Variants in ZNF704 observed in about 807,000 individuals in gnomAD.
ZNF704 encodes the protein glucocorticoid induced gene 1.
ZNF704 carries 10 observed loss-of-function variants against 44.7 expected under a neutral mutation model. That is an observed-to-expected ratio of 0.22 (90% confidence interval 0.14 to 0.38). The LOEUF (loss-of-function observed/expected upper bound fraction) is 0.38, where lower values mean the gene tolerates loss of function less well. Among genes scored for constraint, ZNF704 ranks in the 10% least tolerant of loss-of-function variants. ZNF704 has a pLI of 1.00. For synonymous variants in ZNF704, 211 were observed against 207.6 expected (o/e 1.02, Z -0.14); for missense variants, 390 against 545.5 (o/e 0.71, Z 2.84).
At chr8:80,642,088 T>C (rs530015059) in intron 8 of ZNF704, among the ~76,000 whole-genome samples, 12 of 152,302 alleles carry the variant, frequency 7.9e-5, no homozygotes, top group African/African-American at 2.9e-4. Flanking sequence ...CAATTTCTAG[T>C]ACAGCAGTCC....
At chr8:80,851,958 T>C (rs1434454167) in intron 1 of ZNF704, among the ~76,000 whole-genome samples, 4 of 152,140 alleles carry the variant, frequency 2.6e-5, no homozygotes, top group Non-Finnish European at 5.9e-5. Context: ...GACTCCCATT[T>C]AGAGAGTAAG....
At chr8:80,819,011 A>G (rs1286991474) in intron 2 of ZNF704, among the ~76,000 whole-genome samples, 2 of 152,076 alleles carry the variant, frequency 1.3e-5, no homozygotes, top group Non-Finnish European at 2.9e-5. Flanking sequence ...TATCTCACCA[A>G]CTGCTGGCAC....
At chr8:80,739,124 T>C (rs1806713175) in intron 2 of ZNF704, among the ~76,000 whole-genome samples, 1 of 152,212 alleles carries the variant, frequency 6.6e-6, no homozygotes, top group Non-Finnish European at 1.5e-5. Flanking sequence ...ATTGCTAAAG[T>C]AATGGGTTGT....
chr8:80,870,358 C>G (rs72671932), intron 1 of ZNF704, among the ~76,000 whole-genome samples: 3,403 of 152,270 alleles, frequency 0.022, 92 homozygotes, highest in Non-Finnish European at 0.029. Flanking sequence ...GTTCTCCTTT[C>G]CAAAAAACTT....
chr8:80,769,970 T>C (rs990805194), intron 2 of ZNF704, among the ~76,000 whole-genome samples: 4 of 152,268 alleles, frequency 2.6e-5, no homozygotes, highest in African/African-American at 7.2e-5. Flanking sequence ...CTCACAATCA[T>C]GGCAGAAGGT....
At position 80,670,581 on chromosome 8, in the gene ZNF704, T is replaced by G. The variant is rs369582627; in HGVS notation, c.581A>C (p.Lys194Thr). Residue 194 changes from lysine to threonine, a missense_variant, in exon 5 of 9, where the codon AAA (lysine) becomes ACA (threonine). Physicochemically the swap from Lys to Thr is moderately conservative, Grantham distance 78. Around this residue, in one of 3 missense-constraint regions of ZNF704, gnomAD observed 305 missense variants for 435.7 expected, o/e 0.70. Transcript: ENST00000327835. ...CTTCCCACAGTTTTTCCAGAGGCATTTGAACATCACCTTCATGGAATTCTG... is the reference window on the plus strand; with the variant it reads ...CTTCCCACAGTTTTTCCAGAGGCATGTGAACATCACCTTCATGGAATTCTG... The part of the protein sequence containing the change: ...KRKNSMKVMF[K>T]CLWKNCGKVL... 6.2e-6 allele frequency: 10 copies of G among 1,613,614 alleles called. No homozygotes were observed. Among genetic ancestry groups the G allele is most frequent in the Non-Finnish European group, 8.5e-7 (1 of 1,179,624 alleles).
chr8:80,762,070 A>T (rs1004248258), intron 2 of ZNF704, among the ~76,000 whole-genome samples: 3 of 152,208 alleles, frequency 2.0e-5, no homozygotes, highest in Non-Finnish European at 4.4e-5. Context: ...CTTATACCCA[A>T]TGTTGTGATA....
At chr8:80,878,709 G>A (rs1809390444), upstream of ZNF704, among the ~76,000 whole-genome samples, 1 of 152,192 alleles carries the variant, frequency 6.6e-6, no homozygotes, top group South Asian at 2.1e-4. Context: ...GCCTGTCTAA[G>A]TCAAGCATAA....
intron 1 of ZNF704, among the ~76,000 whole-genome samples, chr8:80,867,096 A>G (rs1239276816): frequency 6.6e-6 from 1 of 152,170 alleles, no homozygotes; most frequent in African/African-American, 2.4e-5. Flanking sequence ...GTTTACTATC[A>G]GCACCACACC....
At position 80,629,963 on chromosome 8, in the gene ZNF704, AT is replaced by A. The variant is rs1396230413; in HGVS notation, c.*11402del. ...CGAAGTAACAAATAAACCATTTCCC[AT>A]TTATTCATCTTAATGATGGAATTTT... On this transcript the variant is annotated 3_prime_UTR_variant, in exon 9 of 9. Transcript: ENST00000327835. 2.0e-5 allele frequency: 3 copies of A among 152,180 alleles called. No homozygotes were observed. The highest frequency in any genetic ancestry group is 7.2e-5 in the African/African-American group (3 of 41,454). The allele number at this position is 152,180 out of a possible 1,614,324, so 9.4% of individuals were successfully genotyped here.
intron 2 of ZNF704, among the ~76,000 whole-genome samples, chr8:80,722,294 CTGTT>C (rs1281332775): frequency 2.0e-5 from 3 of 152,170 alleles, no homozygotes; most frequent in African/African-American, 7.2e-5. Context: ...AAACGACTGC[CTGTT>C]TGTTTCTCTT....
At chr8:80,813,905 G>A (rs1193721463) in intron 2 of ZNF704, among the ~76,000 whole-genome samples, 1 of 151,960 alleles carries the variant, frequency 6.6e-6, no homozygotes, top group Non-Finnish European at 1.5e-5. Context: ...AAAGAAAATT[G>A]AGATAACATC....
chr8:80,754,010 G>A (rs1806993326), intron 2 of ZNF704, among the ~76,000 whole-genome samples: 1 of 152,098 alleles, frequency 6.6e-6, no homozygotes, highest in Admixed American at 6.5e-5. Context: ...CCCTAAGCAA[G>A]CAGCTGCCAG....
chr8:80,767,503 G>A (rs541250189), intron 2 of ZNF704, among the ~76,000 whole-genome samples: 5 of 152,146 alleles, frequency 3.3e-5, no homozygotes, highest in East Asian at 1.9e-4. Context: ...ACACTGCCTC[G>A]TTTTCTACTC....
At chr8:80,664,746 C>A in intron 6 of ZNF704, 69 bp downstream of exon 6, 4 of 1,588,424 alleles carry the variant, frequency 2.5e-6, no homozygotes, top group South Asian at 2.3e-5. Context: ...GTCTTTTACT[C>A]ATAGGCCAGA....
intron 2 of ZNF704, among the ~76,000 whole-genome samples, chr8:80,772,192 T>C (rs1807332036): frequency 6.6e-6 from 1 of 152,192 alleles, no homozygotes; most frequent in Admixed American, 6.5e-5. Context: ...TTTTGTACTG[T>C]CATTGGTTTT....
intron 1 of ZNF704, among the ~76,000 whole-genome samples, chr8:80,841,135 C>G (rs1188332293): frequency 6.6e-6 from 1 of 152,212 alleles, no homozygotes; most frequent in African/African-American, 2.4e-5. Context: ...CCACAGATGC[C>G]TGGGTAGCAC....
chr8:80,858,199 C>A lies in ZNF704; in HGVS notation c.-22+16372G>T, dbSNP rs1479879093. On this transcript the variant is annotated intron_variant, in intron 1 of 8. Coordinates refer to ENST00000327835, the MANE Select transcript of ZNF704 (RefSeq NM_001033723.3). ...GCTAGGAGTTTATCAATTTTATTGA[C>A]CTTCTAAAAGAATCAGCTTTTGGTT... Among the ~76,000 whole-genome samples, 6 of 152,094 alleles carry A rather than the reference C, an allele frequency of 3.9e-5. No homozygotes were observed. The East Asian group carries it at 1.2e-3, about 29-fold the overall frequency.
chr8:80,774,696 C>T (rs1381074105), intron 2 of ZNF704, among the ~76,000 whole-genome samples: 2 of 152,162 alleles, frequency 1.3e-5, no homozygotes, highest in African/African-American at 4.8e-5. Context: ...TGTCTGGGTT[C>T]CCCACGAGGC....
Sources: gnomAD v4.1 joint callset for allele counts (sites outside exome capture counted in the v4.1 genomes callset) on GRCh38, gnomAD v4.1.1 for gene constraint, gnomAD v4.1.1 regional missense constraint, MANE v1.5 for transcripts, NCBI Gene and HGNC (gene_info 2026-07-23, HGNC 2026-07-21) for gene names.